APBB2: variants seen among roughly 807,000 people sequenced by gnomAD.
APBB2 encodes amyloid beta precursor protein binding family B member 2, also known as Fe65-like 1.
In APBB2, 38 loss-of-function variants were observed where a neutral mutation model predicts 82.5. The observed-to-expected ratio is 0.46, with a 90% CI of 0.36 to 0.60. The LOEUF is 0.60. Ranked by LOEUF, APBB2 falls within the 20% of genes least tolerant of loss-of-function variation. APBB2 has a pLI of 0.00. For synonymous variants in APBB2, 341 were observed against 368.2 expected, an observed-to-expected ratio of 0.93 and a Z score of 0.85; for missense variants, 772 against 972.3, an observed-to-expected ratio of 0.79 and a Z score of 2.74.
chr4:41,134,224 C>T (rs1384798089), intron 2 of APBB2, among the ~76,000 whole-genome samples: 2 of 152,060 alleles, frequency 1.3e-5, no homozygotes, highest in Non-Finnish European at 2.9e-5. Flanking sequence ...TCAAGTGATC[C>T]TCCTGCCTCA....
In APBB2 at chr4:40,813,863, CT is replaced by C. The variant is rs1744951067; in HGVS notation, c.*2228del. 2 of 152,156 alleles carry C rather than the reference CT, an allele frequency of 1.3e-5. No homozygotes were observed. The highest frequency in any genetic ancestry group is 1.3e-4 in the Admixed American group (2 of 15,268). 9.4% of individuals were successfully genotyped at this position (152,156 alleles called of 1,614,324 possible). A position where few individuals can be genotyped will look rare whatever the true frequency, so the allele number is the denominator to read the frequency against. On this transcript the variant is annotated 3_prime_UTR_variant, in exon 18 of 18. Coordinates refer to ENST00000508593, the MANE Select transcript of APBB2 (RefSeq NM_004307.2). Reference sequence around the variant, plus strand: ...ATCACTGTAAATGATTTCTGAACAGCTTTTCAAAGGGCACAGCAAGGATTTT... The same window carrying C: ...ATCACTGTAAATGATTTCTGAACAGCTTTCAAAGGGCACAGCAAGGATTTT...
chr4:40,823,866 T>A lies in APBB2; in HGVS notation c.1817-107A>T. 4 of 687,644 alleles carry A rather than the reference T, an allele frequency of 5.8e-6. No individual in the cohort carries two copies. The South Asian group carries it at 6.3e-5, about 11-fold the overall frequency. The allele number at this position is 687,644 out of a possible 1,614,324, so 42.6% of individuals were successfully genotyped here. A position where few individuals can be genotyped will look rare whatever the true frequency, so the allele number is the denominator to read the frequency against. On this transcript the variant is annotated intron_variant, in intron 15 of 17. Transcript: ENST00000508593. ...TACGCCCAGACTGATCTTTTTTTAA[T>A]AGACAGGACACTTCATTCTCATGTT...
At chr4:40,957,685 G>A (rs1792042927) in intron 6 of APBB2, among the ~76,000 whole-genome samples, 1 of 151,562 alleles carries the variant, frequency 6.6e-6, no homozygotes, top group African/African-American at 2.4e-5. Flanking sequence ...CTGGGTTCAA[G>A]CAATTCTCCT....
At chr4:40,970,769 C>A (rs114875442) in intron 6 of APBB2, among the ~76,000 whole-genome samples, 2,221 of 152,218 alleles carry the variant, frequency 0.015, 29 homozygotes, top group Non-Finnish European at 0.02. Flanking sequence ...TAACCCACTG[C>A]CCTCGTTTCC....
At chr4:41,099,983 A>T (rs779559411) in intron 3 of APBB2, among the ~76,000 whole-genome samples, 88 of 152,122 alleles carry the variant, frequency 5.8e-4, no homozygotes, top group Non-Finnish European at 1.1e-3. Context: ...TGTAAGGTCC[A>T]TTTTTCAAAA....
At chr4:41,038,895 T>C (rs1343301707) in intron 4 of APBB2, among the ~76,000 whole-genome samples, 1 of 152,240 alleles carries the variant, frequency 6.6e-6, no homozygotes, top group Non-Finnish European at 1.5e-5. Context: ...GATGCTCACC[T>C]ATGTGTAGAA....
At chr4:40,816,659 G>GCATA (rs758083989) in intron 17 of APBB2, among the ~76,000 whole-genome samples, 10 of 152,200 alleles carry the variant, frequency 6.6e-5, no homozygotes, top group Admixed American at 2.0e-4. Flanking sequence ...AGTAGAAAGG[G>GCATA]CATAGTTTAA....
chr4:41,025,973 G>T (rs1382268027), intron 5 of APBB2, among the ~76,000 whole-genome samples: 1 of 147,784 alleles, frequency 6.8e-6, no homozygotes, highest in Admixed American at 6.7e-5. Context: ...AGAAAAAAAG[G>T]AAAATGTGGT....
Position 40,886,908 on chromosome 4 carries a change from T to C in APBB2, c.1529+3456A>G, listed in dbSNP as rs370257364. Reference sequence around the variant, plus strand: ...GGGGCCGTGACATTTACCTCACTGATCAAAGGGAACAAAACTCAACTATGG... The same window carrying C: ...GGGGCCGTGACATTTACCTCACTGACCAAAGGGAACAAAACTCAACTATGG... On this transcript the variant is annotated intron_variant, in intron 12 of 17. Transcript: ENST00000508593. Among the ~76,000 whole-genome samples the C allele has an allele frequency of 2.6e-5, 4 of 152,224 alleles. No homozygotes were observed. In the East Asian group the frequency reaches 7.7e-4, roughly 29 times the overall value.
chr4:41,040,026 C>T (rs1346252227), intron 4 of APBB2, among the ~76,000 whole-genome samples: 2 of 151,902 alleles, frequency 1.3e-5, no homozygotes, highest in African/African-American at 2.4e-5. Flanking sequence ...TTTTCTGCCC[C>T]ATCCTGATTT....
At chr4:40,905,722 T>G (rs1479129539) in intron 10 of APBB2, among the ~76,000 whole-genome samples, 1 of 152,222 alleles carries the variant, frequency 6.6e-6, no homozygotes, top group Non-Finnish European at 1.5e-5. Context: ...CAGTGGGGGC[T>G]GAGATGACAT....
Position 40,810,594 on chromosome 4 carries a change from A to G in APBB2, c.*5498T>C, listed in dbSNP as rs1009686194. The G allele has an allele frequency of 2.6e-5, 4 of 151,618 alleles. No individual in the cohort carries two copies. The highest frequency in any genetic ancestry group is 9.7e-5 in the African/African-American group (4 of 41,284). 9.4% of individuals were successfully genotyped at this position (151,618 alleles called of 1,614,324 possible). A position where few individuals can be genotyped will look rare whatever the true frequency, so the allele number is the denominator to read the frequency against. On this transcript the variant is annotated 3_prime_UTR_variant, in exon 18 of 18. Coordinates refer to ENST00000508593, the MANE Select transcript of APBB2 (RefSeq NM_004307.2). ...CCTTGCCTCAAAAAAAAAAAAAAAAAAAAAAAAGTGTCAATGAAGAAAGGA... is the reference window on the plus strand; with the variant it reads ...CCTTGCCTCAAAAAAAAAAAAAAAAGAAAAAAAGTGTCAATGAAGAAAGGA...
intron 13 of APBB2, among the ~76,000 whole-genome samples, chr4:40,828,464 C>T (rs1037633873): frequency 2.0e-5 from 3 of 152,216 alleles, no homozygotes; most frequent in African/African-American, 7.2e-5. Context: ...GTGCCCAGGG[C>T]AGCGAGCAAG....
rs534128585 is a variant in APBB2, at chr4:40,997,028, A to G, written c.835+16555T>C. Among the ~76,000 whole-genome samples the G allele has an allele frequency of 9.2e-5, 14 of 152,290 alleles. No individual in the cohort carries two copies. The East Asian group carries it at 2.1e-3, about 23-fold the overall frequency. ...GAGCTGAAACTTACATGACCGCTGC[A>G]TATGGACAATGAGATGCCAGACCCC... On this transcript the variant is annotated intron_variant, in intron 6 of 17. Transcript: ENST00000508593.
At chr4:40,989,380 C>A (rs571787656) in intron 6 of APBB2, among the ~76,000 whole-genome samples, 1 of 152,132 alleles carries the variant, frequency 6.6e-6, no homozygotes, top group East Asian at 1.9e-4. Context: ...GGAGCAAAAC[C>A]AAAATCTCTG....
chr4:41,029,020 C>T (rs532765144), intron 5 of APBB2, among the ~76,000 whole-genome samples: 42 of 152,294 alleles, frequency 2.8e-4, no homozygotes, highest in African/African-American at 9.1e-4. Context: ...TTTACTCCCG[C>T]GACATGCTTA....
chr4:40,878,517 T>A (rs1767507958), intron 12 of APBB2, among the ~76,000 whole-genome samples: 1 of 152,142 alleles, frequency 6.6e-6, no homozygotes, highest in South Asian at 2.1e-4. Context: ...ATCCACTGTG[T>A]CCCTGCCATG....
At chr4:41,187,741 T>A (rs1220087143) in intron 1 of APBB2, among the ~76,000 whole-genome samples, 1 of 152,238 alleles carries the variant, frequency 6.6e-6, no homozygotes, top group African/African-American at 2.4e-5. Context: ...CCAAAACTTT[T>A]AAAATCTAAA....
At chr4:41,135,821 A>C (rs758674310) in intron 2 of APBB2, among the ~76,000 whole-genome samples, 15 of 152,236 alleles carry the variant, frequency 9.9e-5, no homozygotes, top group Non-Finnish European at 2.1e-4. Flanking sequence ...GTACTAAAGA[A>C]GCAAGTTCCA....
Sources: gnomAD v4.1 joint callset for allele counts (sites outside exome capture counted in the v4.1 genomes callset) on GRCh38, gnomAD v4.1.1 for gene constraint, MANE v1.5 for transcripts, NCBI Gene and HGNC (gene_info 2026-07-23, HGNC 2026-07-21) for gene names.